CCDC178: variants seen among roughly 807,000 people sequenced by gnomAD.
CCDC178 encodes coiled-coil domain-containing protein 178.
In CCDC178, 126 loss-of-function variants were observed where a neutral mutation model predicts 117.4. The observed-to-expected ratio is 1.07, with a 90% CI of 0.93 to 1.24. The LOEUF (loss-of-function observed/expected upper bound fraction) is 1.24. CCDC178 is among the 50% of genes most tolerant of loss of function. The pLI is 0.00. For missense variants in CCDC178, 1,030 were observed against 986.9 expected, an observed-to-expected ratio of 1.04 and a Z score of -0.59; for synonymous variants, 283 against 313.4, an observed-to-expected ratio of 0.90 and a Z score of 1.02.
intron 21 of CCDC178, among the ~76,000 whole-genome samples, chr18:33,069,240 G>A (rs140663573): frequency 0.01 from 1,566 of 152,140 alleles, 8 homozygotes; most frequent in Non-Finnish European, 0.016. Context: ...TGAGTGAAAA[G>A]AACAAAGCTG....
chr18:32,973,649 C>T (rs1482779737), intron 22 of CCDC178, among the ~76,000 whole-genome samples: 1 of 152,010 alleles, frequency 6.6e-6, no homozygotes, highest in East Asian at 1.9e-4. Flanking sequence ...CGCTTCATAG[C>T]TATTCAAGTG....
chr18:33,275,802 A>T (rs2059942359), intron 12 of CCDC178, among the ~76,000 whole-genome samples: 1 of 151,476 alleles, frequency 6.6e-6, no homozygotes, highest in African/African-American at 2.4e-5. Flanking sequence ...TTGGTTTCTA[A>T]ATTTTTTTCT....
rs72948893 is a variant in CCDC178, at chr18:33,350,542, G to A, written c.372-1567C>T. On this transcript the variant is annotated intron_variant, in intron 7 of 22. Coordinates refer to ENST00000383096, the MANE Select transcript of CCDC178 (RefSeq NM_001105528.4). ...AATGTAATCATATAAGTGACCTTTC[G>A]TGACTTTTTAACTTAGCATAATAGT... Among the ~76,000 whole-genome samples, 1,121 of 152,136 alleles carry A rather than the reference G, an allele frequency of 7.4e-3. 5 individuals carry two copies. The highest frequency in any genetic ancestry group is 0.017 in the South Asian group (80 of 4,822).
rs146947092 is a variant in CCDC178 at position 33,199,296 on chromosome 18, A to C, written c.2238+12600T>G. Among the ~76,000 whole-genome samples the C allele has an allele frequency of 6.4e-4, 97 of 152,226 alleles. No homozygotes were observed. In the East Asian group the frequency reaches 0.017, roughly 26 times the overall value. ...TCCTGTTATGAATTTATATAGATTA[A>C]ATAATAAAATACTCTGCCTTCTCTC... On this transcript the variant is annotated intron_variant, in intron 20 of 22. Transcript: ENST00000383096.
At chr18:33,351,304 T>A (rs2062977121) in intron 7 of CCDC178, among the ~76,000 whole-genome samples, 1 of 152,048 alleles carries the variant, frequency 6.6e-6, no homozygotes, top group African/African-American at 2.4e-5. Flanking sequence ...GTGATTCTTG[T>A]GCTTCAGCCT....
intron 20 of CCDC178, among the ~76,000 whole-genome samples, chr18:33,135,750 A>G (rs1229778436): frequency 6.6e-6 from 1 of 152,098 alleles, no homozygotes; most frequent in Non-Finnish European, 1.5e-5. Flanking sequence ...AATTTCAACA[A>G]TTTTTGGGTA....
At chr18:33,390,002 A>C (rs1052747461) in intron 4 of CCDC178, among the ~76,000 whole-genome samples, 6 of 148,998 alleles carry the variant, frequency 4.0e-5, no homozygotes, top group African/African-American at 1.5e-4. Context: ...GTGTATATAT[A>C]TATATACTAT....
intron 3 of CCDC178, among the ~76,000 whole-genome samples, chr18:33,399,339 T>C (rs549133760): frequency 6.6e-6 from 1 of 152,354 alleles, no homozygotes; most frequent in East Asian, 1.9e-4. Context: ...TCTGTGGTTA[T>C]TTCTCAAAGT....
At chr18:32,970,069 T>C (rs2054893275) in intron 22 of CCDC178, among the ~76,000 whole-genome samples, 1 of 152,162 alleles carries the variant, frequency 6.6e-6, no homozygotes, top group South Asian at 2.1e-4. Context: ...TCCAAGTTTA[T>C]AGTAGCTCAC....
chr18:33,006,736 A>G (rs1229449394), intron 21 of CCDC178, among the ~76,000 whole-genome samples: 2 of 152,058 alleles, frequency 1.3e-5, no homozygotes. Context: ...GCAGATAAGA[A>G]GGGAGTCTCC....
intron 11 of CCDC178, among the ~76,000 whole-genome samples, chr18:33,312,409 T>C (rs2062355476): frequency 6.6e-6 from 1 of 152,218 alleles, no homozygotes; most frequent in African/African-American, 2.4e-5. Flanking sequence ...CTGACAGTTT[T>C]GAATGGATGG....
At chr18:33,218,133 C>CCT (rs2059189075) in intron 18 of CCDC178, among the ~76,000 whole-genome samples, 1 of 151,868 alleles carries the variant, frequency 6.6e-6, no homozygotes, top group Non-Finnish European at 1.5e-5. Flanking sequence ...TATGAGGACA[C>CCT]CTCTCTCTCA....
At chr18:33,417,596 A>G (rs377258464) in intron 2 of CCDC178, among the ~76,000 whole-genome samples, 13 of 152,168 alleles carry the variant, frequency 8.5e-5, no homozygotes, top group East Asian at 7.7e-4. Flanking sequence ...TGAAATCTGA[A>G]TAAGTTCCAT....
At position 33,389,634 on chromosome 18, in the gene CCDC178, T is replaced by C; in HGVS notation, c.119-5A>G. 7.0e-7 allele frequency: 1 copy of C among 1,438,740 alleles called. No individual in the cohort carries two copies. The highest frequency in any genetic ancestry group is 9.3e-7 in the Non-Finnish European group (1 of 1,078,276). 89.1% of individuals were successfully genotyped at this position (1,438,740 alleles called of 1,614,324 possible). Reference sequence around the variant, plus strand: ...AACTTTGAGACATGGCATTGCCTTTTAAAAAGAAAAAATACATATTTTAGT... The same window carrying C: ...AACTTTGAGACATGGCATTGCCTTTCAAAAAGAAAAAATACATATTTTAGT... On this transcript the variant is annotated splice_polypyrimidine_tract_variant and splice_region_variant and intron_variant, in intron 4 of 22. Transcript: ENST00000383096.
At chr18:33,371,276 TGTG>T (rs2063295106) in intron 5 of CCDC178, among the ~76,000 whole-genome samples, 1 of 96,002 alleles carries the variant, frequency 1.0e-5, no homozygotes, top group Middle Eastern at 5.7e-3. Context: ...CTCATATATG[TGTG>T]TGTGTGTATA....
intron 21 of CCDC178, among the ~76,000 whole-genome samples, chr18:32,978,371 G>C (rs1366123426): frequency 6.6e-6 from 1 of 151,676 alleles, no homozygotes; most frequent in African/African-American, 2.4e-5. Flanking sequence ...AAGACAAAAA[G>C]ACTATTCAAA....
chr18:33,188,522 G>A (rs1055471049), intron 20 of CCDC178, among the ~76,000 whole-genome samples: 3 of 151,978 alleles, frequency 2.0e-5, no homozygotes, highest in African/African-American at 7.3e-5. Context: ...AGGTCAGAGA[G>A]ATTTCAAAGG....
chr18:33,268,701 A>G (rs1409797947), intron 12 of CCDC178, among the ~76,000 whole-genome samples: 2 of 151,868 alleles, frequency 1.3e-5, no homozygotes, highest in African/African-American at 4.8e-5. Context: ...AAAATGTAAA[A>G]TAAAAAGCCA....
chr18:33,184,347 C>T (rs750649202), intron 20 of CCDC178, among the ~76,000 whole-genome samples: 4 of 151,914 alleles, frequency 2.6e-5, no homozygotes, highest in Non-Finnish European at 5.9e-5. Context: ...AGGAAGTGTG[C>T]TACCCAAGAA....
Sources: allele counts gnomAD v4.1 joint callset (sites outside exome capture counted in the v4.1 genomes callset), GRCh38; gene constraint gnomAD v4.1.1; transcripts MANE v1.5; gene names NCBI Gene and HGNC (gene_info 2026-07-23, HGNC 2026-07-21).